The following IGLON5 variants were observed in gnomAD, a reference collection of about 807,000 sequenced individuals.
IGLON5 encodes Ig-like domain-containing protein ENSP00000270642.
Under a neutral mutation model 38.2 loss-of-function variants are expected in IGLON5, and 16 were observed. The observed-to-expected ratio is 0.42, with a 90% CI of 0.28 to 0.64. The LOEUF is 0.64. Among genes scored for constraint, IGLON5 ranks in the 30% least tolerant of loss-of-function variants. The probability of loss-of-function intolerance (pLI) is 0.23; values close to 1 mark genes in which losing one functional copy is unlikely to be tolerated. For synonymous variants in IGLON5, 207 were observed against 216.4 expected (o/e 0.96, Z 0.38); for missense variants, 366 against 483.4 (o/e 0.76, Z 2.28).
rs530604975 is a variant in IGLON5 at position 51,315,781 on chromosome 19, C to T, written c.79+3855C>T. ...CACTATCTCAGCTCACTGCAAGCTC[C>T]GCCTCCTGGGTTCACACCATTCTCC... is the stretch of plus-strand genomic sequence containing the variant. On this transcript the variant is annotated intron_variant, in intron 1 of 7. Coordinates refer to ENST00000270642, the MANE Select transcript of IGLON5 (RefSeq NM_001101372.3). Among the ~76,000 whole-genome samples, 38 of 149,424 alleles carry T rather than the reference C, an allele frequency of 2.5e-4. No homozygotes were observed. In the East Asian group the frequency reaches 4.4e-3, roughly 17 times the overall value.
rs1490584929 is a variant in IGLON5, at chr19:51,325,642, G to A, written c.511+177G>A. Among the ~76,000 whole-genome samples, 1 of 151,820 alleles carries A rather than the reference G, an allele frequency of 6.6e-6. No homozygotes were observed. Among genetic ancestry groups the A allele is most frequent in the Non-Finnish European group, 1.5e-5 (1 of 67,980 alleles). On this transcript the variant is annotated intron_variant, in intron 4 of 7. Transcript: ENST00000270642. The surrounding 1 kb of genome is among the most constrained non-coding windows in gnomAD (Gnocchi z 5.5). ...ACCACAAACCCCAGACCTAAGAGGC[G>A]TCACCACTGGCTTTCCACCTGCCGT...
chr19:51,321,047 A>G (rs576994706), intron 1 of IGLON5, among the ~76,000 whole-genome samples: 161 of 152,222 alleles, frequency 1.1e-3, no homozygotes, highest in South Asian at 2.3e-3. Flanking sequence ...GTGTGTATAC[A>G]TGTATCTGTG....
chr19:51,326,852 G>T lies in IGLON5; in HGVS notation c.600G>T (p.Gly200=). Residue 200 remains glycine (G), a synonymous_variant, in exon 5 of 8, where the codon GGG becomes GGT. Coordinates refer to ENST00000270642, the MANE Select transcript of IGLON5 (RefSeq NM_001101372.3). The stretch of plus-strand genomic sequence containing the variant: ...AGTATGAGTGCGTGACTCACAACGG[G>T]GTTAACTCGGCGCCCGACAGCCGCC... ...AGEYECVTHN[G]VNSAPDSRRV... is the part of the protein sequence containing the mutation. The T allele has an allele frequency of 6.4e-7, 1 of 1,559,014 alleles. No individual in the cohort carries two copies. Among genetic ancestry groups the T allele is most frequent in the South Asian group, 1.2e-5 (1 of 84,670 alleles).
chr19:51,314,627 G>A (rs967995432), intron 1 of IGLON5, among the ~76,000 whole-genome samples: 19 of 152,304 alleles, frequency 1.2e-4, no homozygotes, highest in Admixed American at 9.8e-4. Context: ...AACTGGGGAC[G>A]AGAGGGGATG....
At chr19:51,316,139 A>C (rs1984915983) in intron 1 of IGLON5, among the ~76,000 whole-genome samples, 1 of 149,282 alleles carries the variant, frequency 6.7e-6, no homozygotes, top group Non-Finnish European at 1.5e-5. Flanking sequence ...TGAGCTCAGG[A>C]GTTGAAGACT....
rs535236212 is a variant in IGLON5, at chr19:51,326,868, G to C, written c.616G>C (p.Asp206His). 6.4e-7 allele frequency: 1 copy of C among 1,563,094 alleles called. No individual in the cohort carries two copies. Among genetic ancestry groups the C allele is most frequent in the South Asian group, 1.2e-5 (1 of 85,012 alleles). ...VTHNGVNSAPDSRRVLVTVNY... is the reference protein window; with the variant it reads ...VTHNGVNSAPHSRRVLVTVNY... ...TCACAACGGGGTTAACTCGGCGCCC[G>C]ACAGCCGCCGCGTGCTGGTCACAGT... The change falls in exon 5 of 8, where the codon GAC (aspartate) becomes CAC (histidine). Residue 206 changes from aspartate (D) to histidine (H), a missense_variant. Asp to His is a moderately conservative substitution (Grantham distance 81). Transcript: ENST00000270642.
intron 1 of IGLON5, among the ~76,000 whole-genome samples, chr19:51,318,137 C>T (rs1475748416): frequency 6.6e-6 from 1 of 152,194 alleles, no homozygotes; most frequent in Non-Finnish European, 1.5e-5. Flanking sequence ...TCAGAAAGGT[C>T]CTCCTGGGGC....
rs893975674 is a variant in IGLON5 at position 51,324,985 on chromosome 19, C to G, written c.392-361C>G. The stretch of plus-strand genomic sequence containing the variant: ...AAATAATAATAAATACAAATAGAGA[C>G]GGGGAGAGGAATTCAGACCCCAAGA... On this transcript the variant is annotated intron_variant, in intron 3 of 7. Coordinates refer to ENST00000270642, the MANE Select transcript of IGLON5 (RefSeq NM_001101372.3). The surrounding 1 kb of genome is among the most constrained non-coding windows in gnomAD (Gnocchi z 4.2). 6.6e-6 allele frequency among the ~76,000 whole-genome samples: 1 copy of G among 151,562 alleles called. No homozygotes were observed. The highest frequency in any genetic ancestry group is 2.4e-5 in the African/African-American group (1 of 41,202).
rs1362560321 is a variant in IGLON5, at chr19:51,326,880, G to A, written c.628G>A (p.Val210Met). 1.9e-6 allele frequency: 3 copies of A among 1,567,050 alleles called. No individual in the cohort carries two copies. The highest frequency in any genetic ancestry group is 2.6e-6 in the Non-Finnish European group (3 of 1,155,882). The change falls in exon 5 of 8, where the codon GTG becomes ATG. Residue 210 changes from valine to methionine, a missense_variant. Coordinates refer to ENST00000270642, the MANE Select transcript of IGLON5 (RefSeq NM_001101372.3). ...TAACTCGGCGCCCGACAGCCGCCGC[G>A]TGCTGGTCACAGTCAACTGTGAGCC... ...GVNSAPDSRRVLVTVNYPPTI... is the reference protein window; with the variant it reads ...GVNSAPDSRRMLVTVNYPPTI...
chr19:51,322,845 C>T lies in IGLON5; in HGVS notation c.158+703C>T, dbSNP rs552038853. Among the ~76,000 whole-genome samples the T allele has an allele frequency of 1.5e-3, 198 of 135,812 alleles. 1 individual carries two copies. Among genetic ancestry groups the T allele is most frequent in the African/African-American group, 4.9e-3 (176 of 36,044 alleles). The allele number at this position is 135,812 out of a possible 152,430, so 89.1% of individuals were successfully genotyped here. ...ACCCCTCTCTCTGTGTGTCTCTGTCCCTCTCTCTCTGGGTCTCTGTTCTCC... is the reference window on the plus strand; with the variant it reads ...ACCCCTCTCTCTGTGTGTCTCTGTCTCTCTCTCTCTGGGTCTCTGTTCTCC... On this transcript the variant is annotated intron_variant, in intron 2 of 7. Coordinates refer to ENST00000270642, the MANE Select transcript of IGLON5 (RefSeq NM_001101372.3).
At position 51,322,006 on chromosome 19, in the gene IGLON5, CT is replaced by C. The variant is rs776876821; in HGVS notation, c.80-57del. On this transcript the variant is annotated intron_variant, in intron 1 of 7. Coordinates refer to ENST00000270642, the MANE Select transcript of IGLON5 (RefSeq NM_001101372.3). ...GTGCGTGTGCACATGTGTGCAGGTGCTACCATGCCCGGGCCTTGCCTGAGCT... is the reference window on the plus strand; with the variant it reads ...GTGCGTGTGCACATGTGTGCAGGTGCACCATGCCCGGGCCTTGCCTGAGCT... 3.4e-4 allele frequency: 479 copies of C among 1,393,190 alleles called. 1 individual carries two copies. The highest frequency in any genetic ancestry group is 8.4e-4 in the Admixed American group (50 of 59,644). The allele number at this position is 1,393,190 out of a possible 1,614,324, so 86.3% of individuals were successfully genotyped here.
In IGLON5 at chr19:51,324,623, C is replaced by T. The variant is rs997447869; in HGVS notation, c.392-723C>T. ...CCTTGAGCAGGGAAGAGGCCCGGGA[C>T]TCCTTTGCAAAATGGGGATGGTGCT... On this transcript the variant is annotated intron_variant, in intron 3 of 7. Transcript: ENST00000270642. The surrounding 1 kb of genome is among the most constrained non-coding windows in gnomAD (Gnocchi z 4.2). 6.6e-6 allele frequency among the ~76,000 whole-genome samples: 1 copy of T among 152,122 alleles called. No individual in the cohort carries two copies. The highest frequency in any genetic ancestry group is 1.9e-4 in the East Asian group (1 of 5,174).
At chr19:51,326,989 ACTTACGGG>A (rs1194691011) in intron 5 of IGLON5, 83 bp from the exon 6 acceptor site, 2 of 1,583,746 alleles carry the variant, frequency 1.3e-6, no homozygotes, top group African/African-American at 2.7e-5. Context: ...CGGGGGCGAG[ACTTACGGG>A]CCTGAGGGAG....
Position 51,327,625 on chromosome 19 carries a change from G to A in IGLON5, c.768-107G>A. On this transcript the variant is annotated intron_variant, in intron 6 of 7. Transcript: ENST00000270642. The surrounding 1 kb of genome is among the most constrained non-coding windows in gnomAD (Gnocchi z 7.1). ...TAGAACCCGAGGCGATGGGTCACTGGGGTAGGGGGCAGAATGCTGGGTCAC... is the reference window on the plus strand; with the variant it reads ...TAGAACCCGAGGCGATGGGTCACTGAGGTAGGGGGCAGAATGCTGGGTCAC... 1 of 1,471,726 alleles carries A rather than the reference G, an allele frequency of 6.8e-7. No homozygotes were observed. Among genetic ancestry groups the A allele is most frequent in the Non-Finnish European group, 9.1e-7 (1 of 1,102,150 alleles). The allele number at this position is 1,471,726 out of a possible 1,614,324, so 91.2% of individuals were successfully genotyped here.
In IGLON5 at chr19:51,327,792, T is replaced by A. The variant is rs1458689827; in HGVS notation, c.828T>A (p.Leu276=). 1 of 1,570,424 alleles carries A rather than the reference T, an allele frequency of 6.4e-7. No individual in the cohort carries two copies. The highest frequency in any genetic ancestry group is 8.6e-7 in the Non-Finnish European group (1 of 1,159,768). The part of the protein sequence containing the change: ...KVQTERTRSM[L]LFANVSARHY... ...AGACGGAGCGCACCCGCTCGATGCT[T>A]CTCTTTGCCAACGTGAGCGCCCGGC... The change falls in exon 7 of 8, where the codon CTT becomes CTA. Residue 276 remains leucine, a synonymous_variant. Coordinates refer to ENST00000270642, the MANE Select transcript of IGLON5 (RefSeq NM_001101372.3). This position sits in a 1 kb window ranked among gnomAD's most constrained non-coding sequence, Gnocchi z 7.1.
At chr19:51,321,648 G>GTA (rs1427150242) in intron 1 of IGLON5, among the ~76,000 whole-genome samples, 1 of 152,152 alleles carries the variant, frequency 6.6e-6, no homozygotes, top group Non-Finnish European at 1.5e-5. Flanking sequence ...ATATGTCTCT[G>GTA]TATATATATG....
chr19:51,327,167 C>G lies in IGLON5; in HGVS notation c.734C>G (p.Pro245Arg). Residue 245 changes from proline (P) to arginine (R), a missense_variant, in exon 6 of 8, where the codon CCC becomes CGC. Transcript: ENST00000270642. The surrounding 1 kb of genome is among the most constrained non-coding windows in gnomAD (Gnocchi z 7.1). ...CGCTGCGAAGCCATGGCGGTTCCCCCCGCGGATTTCCAGTGGTACAAGGAT... is the reference window on the plus strand; with the variant it reads ...CGCTGCGAAGCCATGGCGGTTCCCCGCGCGGATTTCCAGTGGTACAAGGAT... ...LLRCEAMAVP[P>R]ADFQWYKDDR... 1 of 1,612,478 alleles carries G rather than the reference C, an allele frequency of 6.2e-7. No individual in the cohort carries two copies.
intron 7 of IGLON5, among the ~76,000 whole-genome samples, chr19:51,328,227 G>A (rs1462423062): frequency 2.6e-5 from 4 of 152,002 alleles, no homozygotes; most frequent in Non-Finnish European, 5.9e-5. Context: ...GAGGCCGGGC[G>A]TGGTGGCTCA....
At chr19:51,328,509 A>G (rs917009943) in intron 7 of IGLON5, among the ~76,000 whole-genome samples, 162 bp from the exon 8 acceptor site, 6 of 145,956 alleles carry the variant, frequency 4.1e-5, no homozygotes, top group Non-Finnish European at 5.9e-5. Context: ...AAAAAAGAAA[A>G]AAAAAAAAAA....
Sources: gnomAD v4.1 joint callset for allele counts (sites outside exome capture counted in the v4.1 genomes callset) on GRCh38, gnomAD v4.1.1 for gene constraint, Gnocchi (gnomAD v3.1) non-coding constraint, MANE v1.5 for transcripts, NCBI Gene and HGNC (gene_info 2026-07-23, HGNC 2026-07-21) for gene names.